Variants in MVB12B observed in about 807,000 individuals in gnomAD.
MVB12B encodes the protein ESCRT-I complex subunit MVB12B.
In MVB12B, 16 loss-of-function variants were observed where a neutral mutation model predicts 41.6. That is an observed-to-expected ratio of 0.38 (90% CI 0.26 to 0.58). The LOEUF is 0.58. Ranked by LOEUF, MVB12B falls within the 20% of genes least tolerant of loss-of-function variation. MVB12B has a pLI of 0.62. For synonymous variants in MVB12B, 133 were observed against 139.7 expected, an observed-to-expected ratio of 0.95 and a Z score of 0.34; for missense variants, 274 against 380.2, an observed-to-expected ratio of 0.72 and a Z score of 2.32.
In MVB12B at chr9:126,338,219, G is replaced by T. The variant is rs555003129; in HGVS notation, c.82-2289G>T. 2.7e-4 allele frequency among the ~76,000 whole-genome samples: 41 copies of T among 152,384 alleles called. 3 individuals carry two copies. In the East Asian group the frequency reaches 7.9e-3, roughly 29 times the overall value. On this transcript the variant is annotated intron_variant, in intron 1 of 9. Coordinates refer to ENST00000361171, the MANE Select transcript of MVB12B (RefSeq NM_033446.3). ...AGGGAGAACGGCTGGCGTTGGAGATGCTCTGCGCGCAGCTCTGCAGGGCCC... is the reference window on the plus strand; with the variant it reads ...AGGGAGAACGGCTGGCGTTGGAGATTCTCTGCGCGCAGCTCTGCAGGGCCC...
chr9:126,432,219 A>T (rs1045715848), intron 7 of MVB12B, among the ~76,000 whole-genome samples: 6 of 152,194 alleles, frequency 3.9e-5, no homozygotes, highest in African/African-American at 4.8e-5. Context: ...TCCCCCTGAT[A>T]ATTCCCTTCC....
At chr9:126,472,534 T>C (rs1305393557) in intron 7 of MVB12B, among the ~76,000 whole-genome samples, 2 of 151,534 alleles carry the variant, frequency 1.3e-5, no homozygotes, top group African/African-American at 4.9e-5. Flanking sequence ...ATTAATACAG[T>C]AGCAGATTAG....
At chr9:126,442,021 T>C (rs1463528434) in intron 7 of MVB12B, among the ~76,000 whole-genome samples, 8 of 152,218 alleles carry the variant, frequency 5.3e-5, no homozygotes, top group Admixed American at 1.3e-4. Flanking sequence ...TGGAGCTAAC[T>C]GCTTGGAGAA....
chr9:126,356,733 C>T (rs968318035), intron 2 of MVB12B, among the ~76,000 whole-genome samples: 2 of 152,008 alleles, frequency 1.3e-5, no homozygotes, highest in African/African-American at 4.8e-5. Flanking sequence ...TTAGCATTCC[C>T]TTTGGGTGCT....
chr9:126,438,509 T>C (rs1205570879), intron 7 of MVB12B, among the ~76,000 whole-genome samples: 1 of 152,184 alleles, frequency 6.6e-6, no homozygotes, highest in Non-Finnish European at 1.5e-5. Flanking sequence ...CAAGTCCAGG[T>C]GGTGTGTACC....
At chr9:126,453,780 C>T (rs1160092374) in intron 7 of MVB12B, among the ~76,000 whole-genome samples, 1 of 152,226 alleles carries the variant, frequency 6.6e-6, no homozygotes, top group Non-Finnish European at 1.5e-5. Context: ...GCCTCACATG[C>T]ATATGTGCAC....
intron 9 of MVB12B, among the ~76,000 whole-genome samples, chr9:126,499,145 C>T (rs1379811407): frequency 1.3e-5 from 2 of 152,176 alleles, no homozygotes; most frequent in African/African-American, 4.8e-5. Flanking sequence ...TTGGCACCTT[C>T]TATCACAGGA....
chr9:126,468,522 G>A lies in MVB12B; in HGVS notation c.758-12847G>A, dbSNP rs946487336. On this transcript the variant is annotated intron_variant, in intron 7 of 9. Coordinates refer to ENST00000361171, the MANE Select transcript of MVB12B (RefSeq NM_033446.3). The surrounding 1 kb of genome is among the most constrained non-coding windows in gnomAD (Gnocchi z 4.3). ...GGATCCTGGGGTCACCCTTGATTCC[G>A]CCTTGCCCCTCTGCAGCCAGTGGCC... 4.6e-5 allele frequency among the ~76,000 whole-genome samples: 7 copies of A among 152,134 alleles called. No homozygotes were observed. Among genetic ancestry groups the A allele is most frequent in the Admixed American group, 1.3e-4 (2 of 15,282 alleles).
chr9:126,427,701 A>T (rs963281652), intron 7 of MVB12B, among the ~76,000 whole-genome samples: 2 of 152,198 alleles, frequency 1.3e-5, no homozygotes, highest in Non-Finnish European at 2.9e-5. Flanking sequence ...AATCTCGAAC[A>T]CCCTATGAAT....
At position 126,333,089 on chromosome 9, in the gene MVB12B, T is replaced by C. The variant is rs554508546; in HGVS notation, c.81+6079T>C. Among the ~76,000 whole-genome samples, 104 of 152,212 alleles carry C rather than the reference T, an allele frequency of 6.8e-4. No homozygotes were observed. The highest frequency in any genetic ancestry group is 2.5e-3 in the African/African-American group (102 of 41,534). Reference sequence around the variant, plus strand: ...AATGGAAGATGTGACCCTGGTGTTTTGTTTTGTTTTTTTTTGAGACAGACT... The same window carrying C: ...AATGGAAGATGTGACCCTGGTGTTTCGTTTTGTTTTTTTTTGAGACAGACT... On this transcript the variant is annotated intron_variant, in intron 1 of 9. Coordinates refer to ENST00000361171, the MANE Select transcript of MVB12B (RefSeq NM_033446.3). The surrounding 1 kb of genome is among the most constrained non-coding windows in gnomAD (Gnocchi z 4.7).
At chr9:126,503,041 C>A in intron 9 of MVB12B, 136 bp from the exon 10 acceptor site, 1 of 787,040 alleles carries the variant, frequency 1.3e-6, no homozygotes. Context: ...TGGCACCGGC[C>A]TGGCCAGCTG....
intron 7 of MVB12B, among the ~76,000 whole-genome samples, chr9:126,425,696 A>G (rs1055133603): frequency 1.3e-5 from 2 of 152,186 alleles, no homozygotes; most frequent in African/African-American, 4.8e-5. Flanking sequence ...TTCCAGCACC[A>G]TCCTTTATGT....
chr9:126,452,521 G>C (rs1832905285), intron 7 of MVB12B, among the ~76,000 whole-genome samples: 4 of 152,208 alleles, frequency 2.6e-5, no homozygotes, highest in Non-Finnish European at 5.9e-5. Context: ...ACATTCAGCA[G>C]GGCCTCAGGT....
At position 126,468,326 on chromosome 9, in the gene MVB12B, G is replaced by A. The variant is rs367757484; in HGVS notation, c.758-13043G>A. Among the ~76,000 whole-genome samples the A allele has an allele frequency of 3.3e-5, 5 of 152,084 alleles. No individual in the cohort carries two copies. The highest frequency in any genetic ancestry group is 7.2e-5 in the African/African-American group (3 of 41,394). On this transcript the variant is annotated intron_variant, in intron 7 of 9. Transcript: ENST00000361171. This position sits in a 1 kb window ranked among gnomAD's most constrained non-coding sequence, Gnocchi z 4.3. ...CCTCACACACCCATCTCACATTCTC[G>A]GTCATAATGTTCTAACCAGTGTTGA... is the stretch of plus-strand genomic sequence containing the variant.
intron 2 of MVB12B, among the ~76,000 whole-genome samples, chr9:126,344,900 C>T (rs1350956061): frequency 6.6e-6 from 1 of 152,198 alleles, no homozygotes; most frequent in Non-Finnish European, 1.5e-5. Context: ...TGGGATAAGA[C>T]TGTTAATCTA....
intron 6 of MVB12B, among the ~76,000 whole-genome samples, chr9:126,399,450 G>A (rs1361929537): frequency 6.6e-6 from 1 of 152,174 alleles, no homozygotes; most frequent in African/African-American, 2.4e-5. Context: ...AGTCAGCCTT[G>A]GGCATGTGAT....
At chr9:126,364,849 T>A (rs1227406853) in intron 2 of MVB12B, among the ~76,000 whole-genome samples, 2 of 151,822 alleles carry the variant, frequency 1.3e-5, no homozygotes, top group Non-Finnish European at 2.9e-5. Flanking sequence ...CCTCCCGGGT[T>A]CACGCCATTC....
At chr9:126,421,517 G>T (rs553138178) in intron 6 of MVB12B, among the ~76,000 whole-genome samples, 1 of 152,300 alleles carries the variant, frequency 6.6e-6, no homozygotes, top group South Asian at 2.1e-4. Flanking sequence ...GGTCTTGCTG[G>T]TGCATTTTGC....
intron 2 of MVB12B, among the ~76,000 whole-genome samples, chr9:126,365,910 C>A (rs919081603): frequency 1.1e-4 from 17 of 152,180 alleles, no homozygotes; most frequent in African/African-American, 3.9e-4. Flanking sequence ...CAGACCCAGA[C>A]TGAAGGATTA....
Sources: gnomAD v4.1 joint callset for allele counts (sites outside exome capture counted in the v4.1 genomes callset) on GRCh38, gnomAD v4.1.1 for gene constraint, Gnocchi (gnomAD v3.1) non-coding constraint, MANE v1.5 for transcripts, NCBI Gene and HGNC (gene_info 2026-07-23, HGNC 2026-07-21) for gene names.